Variants in CDH26 observed in about 807,000 individuals in gnomAD.
CDH26 encodes cadherin-like protein 26.
In CDH26, 83 loss-of-function variants were observed where a neutral mutation model predicts 90.3. The observed-to-expected ratio is 0.92, with a 90% CI of 0.77 to 1.10. The LOEUF (loss-of-function observed/expected upper bound fraction) is 1.10, where lower values mean the gene tolerates loss of function less well. CDH26 is among the 50% of genes least tolerant of loss of function. The pLI, the probability that CDH26 is intolerant of heterozygous loss-of-function variation, is 0.00. For synonymous variants in CDH26, 397 were observed against 396.3 expected, an observed-to-expected ratio of 1.00 and a Z score of -0.02; for missense variants, 1,013 against 1,037.6, an observed-to-expected ratio of 0.98 and a Z score of 0.33.
At chr20:59,978,190 G>T (rs1320907192) in intron 4 of CDH26, among the ~76,000 whole-genome samples, 4 of 152,072 alleles carry the variant, frequency 2.6e-5, no homozygotes, top group Admixed American at 6.6e-5. Context: ...CATGAATAAA[G>T]CTATAAACAT....
At chr20:59,996,387 C>T (rs1457483319) in intron 12 of CDH26, 2 of 1,476,666 alleles carry the variant, frequency 1.4e-6, no homozygotes, top group Non-Finnish European at 1.8e-6. Context: ...AAGAAAGCAG[C>T]TTTTCCAAGA....
At chr20:59,961,099 A>G (rs899468433) in intron 1 of CDH26, among the ~76,000 whole-genome samples, 5 of 152,232 alleles carry the variant, frequency 3.3e-5, no homozygotes, top group Non-Finnish European at 7.3e-5. Context: ...TTGATCTCCA[A>G]TACTTCACAG....
rs779554257 is a variant in CDH26, at chr20:59,999,620, T to C, written c.2054T>C (p.Leu685Pro). ...GATGTTGAAGGCCAGAGGCCGGCTCTGCTCATCTGCACAGCTGCAGCAGGA... is the reference window on the plus strand; with the variant it reads ...GATGTTGAAGGCCAGAGGCCGGCTCCGCTCATCTGCACAGCTGCAGCAGGA... Reference protein sequence around the residue: ...WSDVEGQRPALLICTAAAGPT... With the variant: ...WSDVEGQRPAPLICTAAAGPT... The change falls in exon 14 of 18, where the codon CTG becomes CCG. Residue 685 changes from leucine to proline, a missense_variant. Coordinates refer to ENST00000348616, the MANE Select transcript of CDH26 (RefSeq NM_177980.4). 2 of 1,614,218 alleles carry C rather than the reference T, an allele frequency of 1.2e-6. No individual in the cohort carries two copies. The highest frequency in any genetic ancestry group is 3.3e-5 in the Admixed American group (2 of 60,034).
In CDH26 at chr20:59,992,560, T is replaced by A. The variant is rs1336678102; in HGVS notation, c.1426+40T>A. 5.0e-6 allele frequency: 8 copies of A among 1,607,186 alleles called. No individual in the cohort carries two copies. Among genetic ancestry groups the A allele is most frequent in the Non-Finnish European group, 6.8e-6 (8 of 1,174,156 alleles). On this transcript the variant is annotated intron_variant, in intron 10 of 17. Transcript: ENST00000348616. This position sits in a 1 kb window ranked among gnomAD's most constrained non-coding sequence, Gnocchi z 5.0. ...AAAATTGGAAAAATAAAATGCTCAT[T>A]CTTGCTTCCTGCGGGAAAATAACCC...
At chr20:59,967,929 CTTTCCCTTT>C (rs1444474677) in intron 1 of CDH26, among the ~76,000 whole-genome samples, 7 of 129,308 alleles carry the variant, frequency 5.4e-5, no homozygotes, top group Admixed American at 7.9e-5. Flanking sequence ...CTTTCCTTTC[CTTTCCCTTT>C]CTTTCTTTCT....
At chr20:60,035,650 C>A (rs1225634523), downstream of CDH26, among the ~76,000 whole-genome samples, 1 of 151,944 alleles carries the variant, frequency 6.6e-6, no homozygotes, top group African/African-American at 2.4e-5. Flanking sequence ...TGTGTGCCCT[C>A]ATTCAAATCT....
At chr20:59,975,082 C>A (rs553026882) in intron 4 of CDH26, among the ~76,000 whole-genome samples, 32 of 152,086 alleles carry the variant, frequency 2.1e-4, no homozygotes, top group Admixed American at 3.9e-4. Flanking sequence ...TAAAATGTAG[C>A]CTCGGCCTTG....
In CDH26 at chr20:60,012,630, C is replaced by T. The variant is rs1206111263; in HGVS notation, c.2399C>T (p.Ala800Val). The change falls in exon 18 of 18, where the codon GCC becomes GTC. Residue 800 changes from alanine (A) to valine (V), a missense_variant. Ala to Val is a moderately conservative substitution (Grantham distance 64). Transcript: ENST00000348616. ...CGGAPSLSSL[A>V]SLEQELQPDL... Reference sequence around the variant, plus strand: ...GGGGCCCCATCCCTCAGCTCTCTGGCCAGCTTGGAACAGGAGTTGCAACCT... The same window carrying T: ...GGGGCCCCATCCCTCAGCTCTCTGGTCAGCTTGGAACAGGAGTTGCAACCT... 6.2e-7 allele frequency: 1 copy of T among 1,613,984 alleles called. No individual in the cohort carries two copies. Among genetic ancestry groups the T allele is most frequent in the Non-Finnish European group, 8.5e-7 (1 of 1,180,030 alleles).
intron 7 of CDH26, among the ~76,000 whole-genome samples, chr20:60,024,911 G>A (rs1227033903): frequency 6.6e-6 from 1 of 152,216 alleles, no homozygotes; most frequent in Non-Finnish European, 1.5e-5. Context: ...TGGCAGCAGA[G>A]GTGGTCGTGC....
At chr20:59,971,879 T>C in intron 3 of CDH26, 83 bp from the exon 4 acceptor site, 2 of 1,152,314 alleles carry the variant, frequency 1.7e-6, no homozygotes, top group Non-Finnish European at 1.2e-6. Context: ...AAGATGCCAT[T>C]GATTCTTAGC....
chr20:60,030,544 TG>T lies in CDH26; in HGVS notation c.948-686del, dbSNP rs2062032495. 6.6e-6 allele frequency among the ~76,000 whole-genome samples: 1 copy of T among 152,206 alleles called. No individual in the cohort carries two copies. The highest frequency in any genetic ancestry group is 1.5e-5 in the Non-Finnish European group (1 of 68,046). On this transcript the variant is annotated intron_variant, in intron 7 of 8. Transcript: ENST00000370991. This position sits in a 1 kb window ranked among gnomAD's most constrained non-coding sequence, Gnocchi z 4.0. ...ATCCTGGAAGATTTTAACTAGCTAA[TG>T]TAGCCCACCCCGTTGGCCACCACTA...
At chr20:59,997,285 T>G (rs1282039834) in intron 13 of CDH26, among the ~76,000 whole-genome samples, 1 of 152,288 alleles carries the variant, frequency 6.6e-6, no homozygotes, top group Non-Finnish European at 1.5e-5. Flanking sequence ...AACCTGCTCT[T>G]CTACCATTGT....
At position 59,971,952 on chromosome 20, in the gene CDH26, C is replaced by A; in HGVS notation, c.232-10C>A. ...TCCTTTTTTCTTCTTTCCATTTTTC[C>A]TCCTTCCAGCTGTTCAATAATATGT... On this transcript the variant is annotated splice_polypyrimidine_tract_variant and intron_variant, in intron 3 of 17. Coordinates refer to ENST00000348616, the MANE Select transcript of CDH26 (RefSeq NM_177980.4). 1 of 1,599,330 alleles carries A rather than the reference C, an allele frequency of 6.3e-7. No individual in the cohort carries two copies. Among genetic ancestry groups the A allele is most frequent in the African/African-American group, 1.3e-5 (1 of 74,382 alleles).
chr20:59,989,243 G>C, intron 9 of CDH26, 80 bp downstream of exon 9: 1 of 1,567,546 alleles, frequency 6.4e-7, no homozygotes, highest in South Asian at 1.2e-5. Context: ...TAGAAAACCA[G>C]CTCGGCCGGG....
At chr20:60,025,951 A>G (rs1268273630) in intron 7 of CDH26, among the ~76,000 whole-genome samples, 1 of 152,216 alleles carries the variant, frequency 6.6e-6, no homozygotes, top group East Asian at 1.9e-4. Context: ...CTTTCAATCT[A>G]CCGAAATGGA....
chr20:60,026,419 A>AGG, intron 7 of CDH26, among the ~76,000 whole-genome samples: 2 of 151,604 alleles, frequency 1.3e-5, no homozygotes, highest in Middle Eastern at 6.8e-3. Context: ...AGAGAGAGAG[A>AGG]GAGAGAGGGA....
Position 59,994,350 on chromosome 20 carries a change from C to A in CDH26, c.1527C>A (p.Val509=). The A allele has an allele frequency of 6.2e-7, 1 of 1,614,054 alleles. No individual in the cohort carries two copies. Among genetic ancestry groups the A allele is most frequent in the Non-Finnish European group, 8.5e-7 (1 of 1,180,020 alleles). The change falls in exon 11 of 18, where the codon GTC becomes GTA. Residue 509 remains valine (V), a synonymous_variant. Coordinates refer to ENST00000348616, the MANE Select transcript of CDH26 (RefSeq NM_177980.4). ...GGCCACGTTCCCGCTACATGGAGGT[C>A]TGTGAGTCTGCTGTGCATGAGCCCC... is the stretch of plus-strand genomic sequence containing the variant. ...TLRPRSRYME[V]CESAVHEPLH... is the part of the protein sequence containing the mutation.
rs546493332 is a variant in CDH26, at chr20:60,013,897, A to T, written c.*1167A>T. On this transcript the variant is annotated 3_prime_UTR_variant, in exon 18 of 18. Coordinates refer to ENST00000348616, the MANE Select transcript of CDH26 (RefSeq NM_177980.4). ...GAAGCTGAAAAAGAAGAAAAATCAC[A>T]TTTAAAGCACTGGAATGTCTGAATG... 2 of 152,332 alleles carry T rather than the reference A, an allele frequency of 1.3e-5. No individual in the cohort carries two copies. The highest frequency in any genetic ancestry group is 3.9e-4 in the East Asian group (2 of 5,184). The allele number at this position is 152,332 out of a possible 1,614,324, so 9.4% of individuals were successfully genotyped here. A position where few individuals can be genotyped will look rare whatever the true frequency, so the allele number is the denominator to read the frequency against.
chr20:60,021,853 C>CACACACACACACACACACACAT (rs1569068502), intron 7 of CDH26, among the ~76,000 whole-genome samples: 13 of 52,606 alleles, frequency 2.5e-4, no homozygotes, highest in African/African-American at 8.1e-4. Context: ...TATCTGTACA[C>CACACACACACACACACACACAT]ACACACACAC....
Sources: gnomAD v4.1 joint callset for allele counts (sites outside exome capture counted in the v4.1 genomes callset) on GRCh38, gnomAD v4.1.1 for gene constraint, Gnocchi (gnomAD v3.1) non-coding constraint, MANE v1.5 for transcripts, NCBI Gene and HGNC (gene_info 2026-07-23, HGNC 2026-07-21) for gene names.